RMND1: variants seen among roughly 807,000 people sequenced by gnomAD.
RMND1 encodes required for meiotic nuclear division protein 1 homolog.
In RMND1, 41 loss-of-function variants were observed where a neutral mutation model predicts 54.0. The ratio of observed to expected loss-of-function variants is 0.76; its 90% CI spans 0.59 to 0.98. The LOEUF is 0.98. Ranked by LOEUF, RMND1 falls within the 50% of genes least tolerant of loss-of-function variation. The pLI is 0.00. For missense variants in RMND1, 457 were observed against 532.0 expected (o/e 0.86, Z 1.39); for synonymous variants, 183 against 181.7 (o/e 1.01, Z -0.06).
chr6:151,431,223 C>T, intron 4 of RMND1, among the ~76,000 whole-genome samples: 1 of 151,990 alleles, frequency 6.6e-6, no homozygotes, highest in East Asian at 1.9e-4. Flanking sequence ...AATAAACAGC[C>T]AGTAGCTGCG....
At chr6:151,451,533 A>T (rs1048808661) in intron 1 of RMND1, among the ~76,000 whole-genome samples, 1 of 152,182 alleles carries the variant, frequency 6.6e-6, no homozygotes, top group African/African-American at 2.4e-5. Flanking sequence ...TTCCTTCCAG[A>T]ATGGAAGCTC....
intron 6 of RMND1, among the ~76,000 whole-genome samples, chr6:151,425,483 G>A (rs1311689994): frequency 1.3e-5 from 2 of 152,144 alleles, no homozygotes; most frequent in Admixed American, 6.5e-5. Context: ...TCTAGCAGTA[G>A]TTGGATATGG....
chr6:151,422,349 C>G (rs1582951111), intron 8 of RMND1, among the ~76,000 whole-genome samples, 192 bp downstream of exon 8: 1 of 152,076 alleles, frequency 6.6e-6, no homozygotes, highest in African/African-American at 2.4e-5. Context: ...TGAGGATATG[C>G]ATAGGTTATA....
At chr6:151,443,472 T>A (rs140376298) in intron 2 of RMND1, among the ~76,000 whole-genome samples, 1 of 152,036 alleles carries the variant, frequency 6.6e-6, no homozygotes, top group Admixed American at 6.6e-5. Context: ...CCACTACGCC[T>A]GGCTAATTTT....
In RMND1 at chr6:151,405,185, G is replaced by C; in HGVS notation, c.*50C>G. ...GCGCCGGGCCGAACATTTAATTTTT[G>C]ATTGTAGAACTTGAATATCTCTTGC... On this transcript the variant is annotated 3_prime_UTR_variant, in exon 12 of 12. Transcript: ENST00000444024. 1 of 1,556,634 alleles carries C rather than the reference G, an allele frequency of 6.4e-7. No individual in the cohort carries two copies. Among genetic ancestry groups the C allele is most frequent in the South Asian group, 1.1e-5 (1 of 89,550 alleles).
chr6:151,451,620 G>C (rs991817989), intron 1 of RMND1, among the ~76,000 whole-genome samples: 1 of 152,106 alleles, frequency 6.6e-6, no homozygotes, highest in East Asian at 1.9e-4. Context: ...GCATTCGATC[G>C]AATTTTTAAA....
intron 5 of RMND1, 34 bp from the exon 6 acceptor site, chr6:151,427,616 A>G: frequency 7.5e-7 from 1 of 1,325,024 alleles, no homozygotes; most frequent in Non-Finnish European, 1.1e-6. Context: ...TGAAATCATA[A>G]CTGACTCCCT....
intron 1 of RMND1, among the ~76,000 whole-genome samples, chr6:151,450,012 C>T (rs1363718840): frequency 1.3e-5 from 2 of 152,222 alleles, no homozygotes; most frequent in Non-Finnish European, 2.9e-5. Context: ...CCTCCACCTC[C>T]CAGCCGCCTG....
chr6:151,419,871 T>C, intron 9 of RMND1, among the ~76,000 whole-genome samples: 1 of 152,156 alleles, frequency 6.6e-6, no homozygotes, highest in East Asian at 1.9e-4. Flanking sequence ...CATACATGCA[T>C]GTGTGTGCAA....
intron 10 of RMND1, among the ~76,000 whole-genome samples, chr6:151,412,309 G>A (rs1232169881): frequency 1.3e-5 from 2 of 148,706 alleles, no homozygotes; most frequent in Admixed American, 6.8e-5. Context: ...GCCATAACTT[G>A]CTTTTTAATT....
At chr6:151,434,289 A>C (rs760016318) in intron 3 of RMND1, among the ~76,000 whole-genome samples, 3 of 152,012 alleles carry the variant, frequency 2.0e-5, no homozygotes, top group Non-Finnish European at 4.4e-5. Flanking sequence ...AAAATATACT[A>C]TTAATTTGCA....
intron 7 of RMND1, among the ~76,000 whole-genome samples, chr6:151,423,279 T>C (rs572679049): frequency 2.0e-5 from 3 of 152,162 alleles, no homozygotes; most frequent in Non-Finnish European, 2.9e-5. Context: ...AAGGCTAATA[T>C]AATCATCATC....
At position 151,438,359 on chromosome 6, in the gene RMND1, T is replaced by C. The variant is rs532136179; in HGVS notation, c.505-1805A>G. Among the ~76,000 whole-genome samples the C allele has an allele frequency of 1.4e-4, 21 of 152,356 alleles. No individual in the cohort carries two copies. The East Asian group carries it at 3.3e-3, about 24-fold the overall frequency. On this transcript the variant is annotated intron_variant, in intron 2 of 11. Transcript: ENST00000444024. ...TTGGATGTCAGAATTACTTCTGTGA[T>C]GGCTACAGCTCATGTGCTTAGTTTG...
intron 5 of RMND1, among the ~76,000 whole-genome samples, chr6:151,429,713 T>A (rs183692428): frequency 6.6e-5 from 10 of 152,300 alleles, no homozygotes; most frequent in African/African-American, 2.4e-4. Context: ...AGATTACCAA[T>A]TTGCCTCTAA....
At chr6:151,417,480 G>A in intron 9 of RMND1, 81 bp from the exon 10 acceptor site, 1 of 1,222,492 alleles carries the variant, frequency 8.2e-7, no homozygotes, top group African/African-American at 1.6e-5. Context: ...TTTACATAGT[G>A]CTTTATGAAA....
intron 2 of RMND1, among the ~76,000 whole-genome samples, chr6:151,443,295 A>G (rs1468235508): frequency 6.6e-6 from 1 of 152,038 alleles, no homozygotes; most frequent in Non-Finnish European, 1.5e-5. Context: ...ATTATCTCAG[A>G]CCACTTTAGA....
At chr6:151,444,439 A>G (rs1443234424) in intron 2 of RMND1, 1 of 152,186 alleles carries the variant, frequency 6.6e-6, no homozygotes, top group Non-Finnish European at 1.5e-5. Context: ...TCAGAATCAG[A>G]GGATGAGTAA....
chr6:151,451,180 A>C (rs1160444632), intron 1 of RMND1, among the ~76,000 whole-genome samples: 1 of 145,172 alleles, frequency 6.9e-6, no homozygotes, highest in African/African-American at 2.6e-5. Flanking sequence ...TCTGCGAGAA[A>C]CACCCAAGAA....
At chr6:151,431,929 CTT>C (rs1780458344) in intron 4 of RMND1, among the ~76,000 whole-genome samples, 2 of 149,562 alleles carry the variant, frequency 1.3e-5, no homozygotes, top group Admixed American at 1.3e-4. Flanking sequence ...CATTATATTT[CTT>C]TCTTTCTTTT....
Sources: allele counts gnomAD v4.1 joint callset (sites outside exome capture counted in the v4.1 genomes callset), GRCh38; gene constraint gnomAD v4.1.1; transcripts MANE v1.5; gene names NCBI Gene and HGNC (gene_info 2026-07-23, HGNC 2026-07-21).